Variants in CHL1 observed in about 807,000 individuals in gnomAD.
The protein encoded by CHL1 is cell adhesion molecule L1 like, also known as neural cell adhesion molecule L1-like protein.
A neutral mutation model predicts 141.9 loss-of-function variants in CHL1; 96 were observed. The ratio of observed to expected loss-of-function variants is 0.68; its 90% CI spans 0.57 to 0.80. The LOEUF is 0.80. Among genes scored for constraint, CHL1 ranks in the 30% least tolerant of loss-of-function variants. CHL1 has a pLI of 0.00. For synonymous variants in CHL1, 613 were observed against 502.2 expected (o/e 1.22, Z -2.95); for missense variants, 1,820 against 1,457.2 (o/e 1.25, Z -4.05).
At chr3:366,223 C>T (rs1397648030) in intron 15 of CHL1, 108 bp downstream of exon 15, 1 of 1,070,224 alleles carries the variant, frequency 9.3e-7, no homozygotes, top group Non-Finnish European at 1.4e-6. Flanking sequence ...GTAATCCCAG[C>T]ACTTTGGGAG....
At chr3:219,092 T>G (rs1055422866) in intron 1 of CHL1, among the ~76,000 whole-genome samples, 1 of 151,218 alleles carries the variant, frequency 6.6e-6, no homozygotes, top group Non-Finnish European at 1.5e-5. Flanking sequence ...GAGCTTGCAG[T>G]GAGCCGAGAT....
At chr3:326,400 A>G (rs1701017865) in intron 4 of CHL1, among the ~76,000 whole-genome samples, 1 of 152,024 alleles carries the variant, frequency 6.6e-6, no homozygotes, top group South Asian at 2.1e-4. Context: ...AGTAAAATGT[A>G]GCATTTATTA....
chr3:371,338 T>A (rs1705598679), intron 15 of CHL1, among the ~76,000 whole-genome samples: 1 of 152,180 alleles, frequency 6.6e-6, no homozygotes, highest in South Asian at 2.1e-4. Context: ...CTGGTTGAAT[T>A]GTTCCCTTTA....
intron 2 of CHL1, among the ~76,000 whole-genome samples, chr3:279,957 C>T (rs1696488561): frequency 6.6e-6 from 1 of 152,046 alleles, no homozygotes; most frequent in African/African-American, 2.4e-5. Flanking sequence ...GGGTATAAAA[C>T]CACTGTAGGA....
intron 2 of CHL1, among the ~76,000 whole-genome samples, chr3:300,368 C>G (rs922475892): frequency 2.0e-5 from 3 of 152,068 alleles, no homozygotes; most frequent in Non-Finnish European, 4.4e-5. Flanking sequence ...GGAACTGGCT[C>G]TGATGCAAAC....
rs78284204 is a variant in CHL1, at chr3:320,225, A to G, written c.91+358A>G. Among the ~76,000 whole-genome samples the G allele has an allele frequency of 5.1e-3, 774 of 152,202 alleles. 6 individuals are homozygous for G. The highest frequency in any genetic ancestry group is 0.018 in the African/African-American group (732 of 41,560). Reference sequence around the variant, plus strand: ...TAATCAAGATTCAGAAATTACTGGCATTCAACAAATTATGTCGAAAAGGAA... The same window carrying G: ...TAATCAAGATTCAGAAATTACTGGCGTTCAACAAATTATGTCGAAAAGGAA... On this transcript the variant is annotated intron_variant, in intron 3 of 27. Transcript: ENST00000256509.
chr3:212,758 CTT>C (rs1482007998), intron 1 of CHL1, among the ~76,000 whole-genome samples: 1 of 152,174 alleles, frequency 6.6e-6, no homozygotes, highest in East Asian at 1.9e-4. Context: ...GCTCACTGCT[CTT>C]GTCTTCTCAA....
intron 2 of CHL1, among the ~76,000 whole-genome samples, chr3:295,405 T>A (rs866887288): frequency 3.3e-5 from 5 of 152,084 alleles, no homozygotes; most frequent in Admixed American, 2.6e-4. Context: ...AAGCACTGAA[T>A]AGGAGAAGGA....
chr3:319,086 T>C (rs1472796212), intron 2 of CHL1, among the ~76,000 whole-genome samples: 1 of 145,126 alleles, frequency 6.9e-6, no homozygotes, highest in East Asian at 2.0e-4. Context: ...ATGTTCTCAT[T>C]TAGAAGTGGA....
At chr3:209,030 C>T (rs12496968) in intron 1 of CHL1, among the ~76,000 whole-genome samples, 45,694 of 152,046 alleles carry the variant, frequency 0.3, 8,517 homozygotes, top group East Asian at 0.51. Context: ...TAATAAATGA[C>T]TATAATGAGA....
At chr3:246,851 T>C (rs1267874473) in intron 2 of CHL1, 1 of 152,104 alleles carries the variant, frequency 6.6e-6, no homozygotes, top group Non-Finnish European at 1.5e-5. Context: ...AAAGCGATGT[T>C]ATCCATGCAT....
chr3:291,086 G>A (rs1396278622), intron 2 of CHL1, among the ~76,000 whole-genome samples: 1 of 151,914 alleles, frequency 6.6e-6, no homozygotes, highest in African/African-American at 2.4e-5. Context: ...ATTAATATAG[G>A]ACTTTTTTGC....
chr3:349,261 T>A, intron 9 of CHL1, 98 bp from the exon 10 acceptor site: 1 of 1,018,982 alleles, frequency 9.8e-7, no homozygotes, highest in Non-Finnish European at 1.5e-6. Flanking sequence ...TGAGCACATG[T>A]GTAAAAGCAC....
At chr3:249,341 G>C (rs1693469422) in intron 2 of CHL1, among the ~76,000 whole-genome samples, 1 of 152,050 alleles carries the variant, frequency 6.6e-6, no homozygotes, top group Non-Finnish European at 1.5e-5. Context: ...AAAGATCAAA[G>C]ATTAGTGACT....
chr3:382,124 G>C, intron 16 of CHL1, 55 bp from the exon 17 acceptor site: 4 of 1,483,066 alleles, frequency 2.7e-6, no homozygotes, highest in Non-Finnish European at 3.7e-6. Flanking sequence ...GTCTGAGGAA[G>C]GGAATCAGGT....
chr3:335,530 G>T (rs1368500745), intron 5 of CHL1, among the ~76,000 whole-genome samples: 1 of 152,188 alleles, frequency 6.6e-6, no homozygotes, highest in African/African-American at 2.4e-5. Flanking sequence ...TTGTGACAAT[G>T]ATGGCAGACT....
At chr3:211,541 C>CTG (rs1018461498) in intron 1 of CHL1, among the ~76,000 whole-genome samples, 1 of 152,196 alleles carries the variant, frequency 6.6e-6, no homozygotes, top group African/African-American at 2.4e-5. Context: ...ATCCTACCAT[C>CTG]ACGTTCTTCC....
intron 1 of CHL1, among the ~76,000 whole-genome samples, chr3:225,045 G>A (rs1559296234): frequency 1.3e-5 from 2 of 152,096 alleles, no homozygotes; most frequent in Non-Finnish European, 2.9e-5. Context: ...CCGGGCGGGA[G>A]AACACTTGAA....
intron 20 of CHL1, among the ~76,000 whole-genome samples, chr3:390,429 A>G (rs1285235507): frequency 6.6e-6 from 1 of 152,234 alleles, no homozygotes; most frequent in East Asian, 1.9e-4. Flanking sequence ...TCCAAAGGCA[A>G]GATGCCCACA....
Sources: gnomAD v4.1 joint callset for allele counts (sites outside exome capture counted in the v4.1 genomes callset) on GRCh38, gnomAD v4.1.1 for gene constraint, MANE v1.5 for transcripts, NCBI Gene and HGNC (gene_info 2026-07-23, HGNC 2026-07-21) for gene names.